Variants in PATJ observed in about 807,000 individuals in gnomAD.
PATJ encodes inaD-like protein.
Under a neutral mutation model 224.9 loss-of-function variants are expected in PATJ, and 190 were observed. The observed-to-expected ratio is 0.84, with a 90% CI of 0.75 to 0.95. The LOEUF (loss-of-function observed/expected upper bound fraction) is 0.95, where lower values mean the gene tolerates loss of function less well. Among genes scored for constraint, PATJ ranks in the 40% least tolerant of loss-of-function variants. The probability of loss-of-function intolerance (pLI) is 0.00; values close to 1 mark genes in which losing one functional copy is unlikely to be tolerated. For missense variants in PATJ, 2,121 were observed against 2,270.3 expected, an observed-to-expected ratio of 0.93 and a Z score of 1.34; for synonymous variants, 769 against 820.3, an observed-to-expected ratio of 0.94 and a Z score of 1.07.
intron 27 of PATJ, among the ~76,000 whole-genome samples, chr1:61,987,160 CT>C (rs1206873174): frequency 2.0e-5 from 3 of 151,788 alleles, no homozygotes; most frequent in Non-Finnish European, 4.4e-5. Context: ...TTAAAGTTCT[CT>C]TTTTATTGTT....
At chr1:62,044,442 C>G (rs1214469532) in intron 30 of PATJ, among the ~76,000 whole-genome samples, 2 of 152,172 alleles carry the variant, frequency 1.3e-5, no homozygotes, top group Admixed American at 1.3e-4. Context: ...AAAGATTAGT[C>G]TAATAGCAAT....
chr1:61,945,852 TC>T (rs1678615827), intron 27 of PATJ, among the ~76,000 whole-genome samples: 1 of 152,086 alleles, frequency 6.6e-6, no homozygotes, highest in South Asian at 2.1e-4. Flanking sequence ...AGAACAGAAA[TC>T]ATAACAAACT....
Position 61,875,237 on chromosome 1 carries a change from C to T in PATJ, c.2836-6C>T, listed in dbSNP as rs375969467. The T allele has an allele frequency of 8.3e-6, 13 of 1,572,348 alleles. No individual in the cohort carries two copies. The highest frequency in any genetic ancestry group is 1.1e-5 in the Non-Finnish European group (13 of 1,150,040). ...CTAATGCATTTCTATTTTTCTTCCT[C>T]TCAAGATGAAAGAAAATTTTGTCAT... On this transcript the variant is annotated splice_region_variant and splice_polypyrimidine_tract_variant and intron_variant, in intron 20 of 43. Transcript: ENST00000642238.
chr1:61,885,033 C>T (rs1038733407), intron 22 of PATJ, among the ~76,000 whole-genome samples: 7 of 152,164 alleles, frequency 4.6e-5, no homozygotes, highest in Non-Finnish European at 7.4e-5. Context: ...GTAGGTGAAA[C>T]TCTTGGATTT....
intron 28 of PATJ, among the ~76,000 whole-genome samples, chr1:62,005,421 T>G (rs7518739): frequency 0.038 from 5,742 of 151,692 alleles, 303 homozygotes; most frequent in African/African-American, 0.11. Context: ...GATGTGGTTT[T>G]TTTTTTTTTT....
Position 62,133,612 on chromosome 1 carries a change from G to C in PATJ, c.5271+4667G>C, listed in dbSNP as rs867652958. 5.3e-5 allele frequency among the ~76,000 whole-genome samples: 8 copies of C among 152,188 alleles called. 1 individual carries two copies. Among genetic ancestry groups the C allele is most frequent in the Middle Eastern group, 6.8e-3 (2 of 294 alleles). On this transcript the variant is annotated intron_variant, in intron 41 of 43. Transcript: ENST00000642238. ...AGAATAGAAAAGAACCAAGAATATA[G>C]GTCTGTTTGAAAAGCAGCTAAACAG...
rs888828560 is a variant in PATJ at position 61,771,413 on chromosome 1, T to C, written c.525-18T>C. 1.2e-5 allele frequency: 18 copies of C among 1,515,128 alleles called. No homozygotes were observed. The highest frequency in any genetic ancestry group is 1.6e-5 in the Non-Finnish European group (18 of 1,130,468). 93.9% of individuals were successfully genotyped at this position (1,515,128 alleles called of 1,614,324 possible). A position where few individuals can be genotyped will look rare whatever the true frequency, so the allele number is the denominator to read the frequency against. On this transcript the variant is annotated intron_variant, in intron 5 of 43. Transcript: ENST00000642238. ...GTTATTAGATCACTTAAAAAATTTC[T>C]TTTCTTACATGATTAAGGGATCAAA...
intron 33 of PATJ, among the ~76,000 whole-genome samples, chr1:62,093,778 A>G (rs1456179454): frequency 6.6e-6 from 1 of 152,216 alleles, no homozygotes; most frequent in African/African-American, 2.4e-5. Flanking sequence ...AATGCAAATC[A>G]TATACCATTT....
At chr1:62,069,227 G>A (rs976047259) in intron 31 of PATJ, among the ~76,000 whole-genome samples, 1 of 152,162 alleles carries the variant, frequency 6.6e-6, no homozygotes, top group African/African-American at 2.4e-5. Flanking sequence ...TTTCCCTGAA[G>A]GTTTACTCAG....
chr1:61,753,175 CATTGATCTTTGCACTTGAT>C (rs1419194646), intron 1 of PATJ, among the ~76,000 whole-genome samples: 3 of 152,160 alleles, frequency 2.0e-5, no homozygotes, highest in Admixed American at 1.3e-4. Flanking sequence ...TTACACTTGA[CATTGATCTTTGCACTTGAT>C]ATTGATAAGC....
At position 61,777,724 on chromosome 1, in the gene PATJ, T is replaced by TTTTTTTTTTTTTTTTTTTTTTTTTTC. The variant is rs765662896; in HGVS notation, c.849+2393_849+2394insTTTTTTTTTTTTTTTTTTTTTTCTTT. Among the ~76,000 whole-genome samples the TTTTTTTTTTTTTTTTTTTTTTTTTTC allele has an allele frequency of 2.4e-4, 25 of 106,034 alleles. 1 individual carries two copies. The highest frequency in any genetic ancestry group is 6.9e-4 in the East Asian group (2 of 2,886). 69.6% of individuals were successfully genotyped at this position (106,034 alleles called of 152,430 possible). On this transcript the variant is annotated intron_variant, in intron 7 of 43. Transcript: ENST00000642238. ...CTTTCTTTTTTTTTTTTTTTTTTTT[T>TTTTTTTTTTTTTTTTTTTTTTTTTTC]TTTAGCATAGTCTTGCTCTTTTGCC... is the stretch of plus-strand genomic sequence containing the variant.
intron 22 of PATJ, among the ~76,000 whole-genome samples, chr1:61,894,062 C>T (rs1669985874): frequency 1.3e-5 from 2 of 151,748 alleles, no homozygotes; most frequent in African/African-American, 4.8e-5. Context: ...CAAGACCAGC[C>T]TGGCCAACAT....
chr1:61,766,329 A>G lies in PATJ; in HGVS notation c.240A>G (p.Lys80=). The part of the protein sequence containing the change: ...DCSANFDFSR[K]GLLVFTDGSI... ...CAGCCAACTTTGATTTTTCTAGGAA[A>G]GGTTTGTTAGTGTTCACAGATGGTT... is the stretch of plus-strand genomic sequence containing the variant. Residue 80 remains lysine, a synonymous_variant, in exon 4 of 44, where the codon AAA becomes AAG. Transcript: ENST00000642238. 2 of 1,611,554 alleles carry G rather than the reference A, an allele frequency of 1.2e-6. No homozygotes were observed. The highest frequency in any genetic ancestry group is 1.7e-4 in the Middle Eastern group (1 of 6,048).
chr1:62,024,732 T>C (rs1647495867), intron 29 of PATJ, among the ~76,000 whole-genome samples: 1 of 150,458 alleles, frequency 6.6e-6, no homozygotes, highest in Admixed American at 6.6e-5. Context: ...ACAATACATC[T>C]AGATGCCTGT....
At chr1:62,088,356 A>T (rs1246271060) in intron 33 of PATJ, among the ~76,000 whole-genome samples, 3 of 152,130 alleles carry the variant, frequency 2.0e-5, no homozygotes, top group Admixed American at 1.3e-4. Flanking sequence ...GCACTCCAGC[A>T]TCTCGGACTT....
chr1:61,982,908 C>T (rs6587951), intron 27 of PATJ, among the ~76,000 whole-genome samples: 45,177 of 151,640 alleles, frequency 0.3, 7,352 homozygotes, highest in East Asian at 0.45. Flanking sequence ...ATTACTTTTA[C>T]TGGCAAAAAT....
intron 21 of PATJ, among the ~76,000 whole-genome samples, chr1:61,882,398 T>C (rs1412974580): frequency 1.3e-5 from 2 of 152,190 alleles, no homozygotes; most frequent in African/African-American, 4.8e-5. Context: ...ATTAAGTGTG[T>C]TCCTAGAGGA....
chr1:61,861,609 C>A lies in PATJ; in HGVS notation c.2381C>A (p.Thr794Asn). 2.0e-6 allele frequency: 3 copies of A among 1,496,688 alleles called. No individual in the cohort carries two copies. Among genetic ancestry groups the A allele is most frequent in the Non-Finnish European group, 2.7e-6 (3 of 1,114,322 alleles). 92.7% of individuals were successfully genotyped at this position (1,496,688 alleles called of 1,614,324 possible). Reference sequence around the variant, plus strand: ...CATTCAAGCAGTAATGAAGACAAGACTGAATTTTCAGGAACAATTCATGAT... The same window carrying A: ...CATTCAAGCAGTAATGAAGACAAGAATGAATTTTCAGGAACAATTCATGAT... ...ILHSSSNEDK[T>N]EFSGTIHDIN... Residue 794 changes from threonine to asparagine, a missense_variant, in exon 19 of 44, where the codon ACT becomes AAT. Coordinates refer to ENST00000642238, the MANE Select transcript of PATJ (RefSeq NM_001350145.3).
chr1:61,789,422 C>A (rs746863994), intron 8 of PATJ, among the ~76,000 whole-genome samples: 1 of 152,078 alleles, frequency 6.6e-6, no homozygotes, highest in Non-Finnish European at 1.5e-5. Context: ...ATTATCATCA[C>A]CTGAGATGTC....
Sources: allele counts gnomAD v4.1 joint callset (sites outside exome capture counted in the v4.1 genomes callset), GRCh38; gene constraint gnomAD v4.1.1; transcripts MANE v1.5; gene names NCBI Gene and HGNC (gene_info 2026-07-23, HGNC 2026-07-21).